The following TRIM35 variants were observed in gnomAD, a reference collection of about 807,000 sequenced individuals.
The protein encoded by TRIM35 is E3 ubiquitin-protein ligase TRIM35.
Under a neutral mutation model 49.1 loss-of-function variants are expected in TRIM35, and 37 were observed. The observed-to-expected ratio is 0.75, with a 90% CI of 0.58 to 0.99. The LOEUF (loss-of-function observed/expected upper bound fraction) is 0.99. Ranked by LOEUF, TRIM35 falls within the 50% of genes least tolerant of loss-of-function variation. The probability of loss-of-function intolerance (pLI) is 0.00; values close to 1 mark genes in which losing one functional copy is unlikely to be tolerated. For missense variants in TRIM35, 648 were observed against 702.7 expected (o/e 0.92, Z 0.88); for synonymous variants, 302 against 289.3 (o/e 1.04, Z -0.45).
At position 27,287,769 on chromosome 8, in the gene TRIM35, G is replaced by C; in HGVS notation, c.1263C>G (p.Val421=). ...CACGCAGGCGGCGTGGGATGGCCAG[G>C]ACCAGGGGCGACGTGGCTGGGTCCG... ...VTSDPATSPL[V]LAIPRRLRVE... is the part of the protein sequence containing the mutation. Residue 421 remains valine, a synonymous_variant, in exon 6 of 6, where the codon GTC becomes GTG. Coordinates refer to ENST00000305364, the MANE Select transcript of TRIM35 (RefSeq NM_171982.5). This position sits in a 1 kb window ranked among gnomAD's most constrained non-coding sequence, Gnocchi z 6.0. The C allele has an allele frequency of 1.2e-6, 2 of 1,610,030 alleles. No homozygotes were observed. Among genetic ancestry groups the C allele is most frequent in the Non-Finnish European group, 1.7e-6 (2 of 1,178,594 alleles).
chr8:27,289,880 C>T (rs1222605231), intron 4 of TRIM35, among the ~76,000 whole-genome samples: 1 of 152,230 alleles, frequency 6.6e-6, no homozygotes, highest in Non-Finnish European at 1.5e-5. Context: ...ATGCAAGCCA[C>T]ATGCAGGATA....
chr8:27,307,399 C>A (rs1215321659), intron 1 of TRIM35, among the ~76,000 whole-genome samples: 1 of 152,086 alleles, frequency 6.6e-6, no homozygotes, highest in Non-Finnish European at 1.5e-5. Context: ...AGCGAAATCA[C>A]TTCCTTGGAG....
In TRIM35 at chr8:27,299,701, G is replaced by A. The variant is rs567207103; in HGVS notation, c.436-1142C>T. ...CAGCAATAAATTATACAGATGTGTCGCCCAAAGCCTCATTCCCATCTGGAC... is the reference window on the plus strand; with the variant it reads ...CAGCAATAAATTATACAGATGTGTCACCCAAAGCCTCATTCCCATCTGGAC... On this transcript the variant is annotated intron_variant, in intron 1 of 5. Coordinates refer to ENST00000305364, the MANE Select transcript of TRIM35 (RefSeq NM_171982.5). Among the ~76,000 whole-genome samples, 439 of 152,262 alleles carry A rather than the reference G, an allele frequency of 2.9e-3. 3 individuals are homozygous for A. Among genetic ancestry groups the A allele is most frequent in the South Asian group, 0.028 (137 of 4,818 alleles).
At chr8:27,291,664 GTTCA>G (rs1256993161) in intron 3 of TRIM35, among the ~76,000 whole-genome samples, 1 of 152,164 alleles carries the variant, frequency 6.6e-6, no homozygotes. Context: ...CACTGTCTTA[GTTCA>G]TTTTGTGTTG....
chr8:27,310,713 G>A, intron 1 of TRIM35, 88 bp downstream of exon 1: 1 of 1,417,632 alleles, frequency 7.1e-7, no homozygotes, highest in African/African-American at 1.4e-5. Flanking sequence ...ACTGGGCTCT[G>A]GCAGGCAGGA....
chr8:27,293,319 C>T (rs1211137120), intron 3 of TRIM35, among the ~76,000 whole-genome samples: 2 of 151,392 alleles, frequency 1.3e-5, no homozygotes, highest in Non-Finnish European at 1.5e-5. Context: ...TTTGTAAGGA[C>T]CACTGGCTCA....
chr8:27,305,397 G>T (rs1802762989), intron 1 of TRIM35, among the ~76,000 whole-genome samples: 1 of 152,210 alleles, frequency 6.6e-6, no homozygotes, highest in Admixed American at 6.5e-5. Context: ...AGTGTGCAGG[G>T]TCTAGTGAGA....
At chr8:27,300,791 T>G (rs1315968628) in intron 1 of TRIM35, among the ~76,000 whole-genome samples, 1 of 152,270 alleles carries the variant, frequency 6.6e-6, no homozygotes, top group Non-Finnish European at 1.5e-5. Flanking sequence ...CACTGAAATG[T>G]CATTCCAATG....
At chr8:27,294,709 G>A (rs775762031) in intron 2 of TRIM35, among the ~76,000 whole-genome samples, 4 of 152,054 alleles carry the variant, frequency 2.6e-5, no homozygotes, top group Non-Finnish European at 5.9e-5. Context: ...CCAATCTTAG[G>A]ACTTAAAATT....
intron 1 of TRIM35, among the ~76,000 whole-genome samples, chr8:27,307,321 G>A (rs371129039): frequency 4.6e-5 from 7 of 151,512 alleles, no homozygotes; most frequent in South Asian, 2.1e-4. Flanking sequence ...ACACCCCCAC[G>A]CTGTGCCCCG....
rs1288225895 is a variant in TRIM35, at chr8:27,287,861, C to T, written c.1171G>A (p.Asp391Asn). ...ACATACCAGAAGCCCGAGCGTGTGT[C>T]GTGGTAGCAGCTGTGTGAGTGGCCC... Reference protein sequence around the residue: ...AEGHSHSCYHDTRSGFWYVCR... With the variant: ...AEGHSHSCYHNTRSGFWYVCR... Residue 391 changes from aspartate to asparagine, a missense_variant, in exon 6 of 6, where the codon GAC (aspartate) becomes AAC (asparagine). Physicochemically the swap from Asp to Asn is conservative, Grantham distance 23. Transcript: ENST00000305364. The surrounding 1 kb of genome is among the most constrained non-coding windows in gnomAD (Gnocchi z 6.0). 5.0e-6 allele frequency: 8 copies of T among 1,613,044 alleles called. No homozygotes were observed. The highest frequency in any genetic ancestry group is 2.7e-5 in the African/African-American group (2 of 75,030).
Position 27,286,429 on chromosome 8 carries a change from C to A in TRIM35, c.*1121G>T. On this transcript the variant is annotated 3_prime_UTR_variant, in exon 6 of 6. Coordinates refer to ENST00000305364, the MANE Select transcript of TRIM35 (RefSeq NM_171982.5). The stretch of plus-strand genomic sequence containing the variant: ...CCTTTCTTCCCAACTGAAAAGGGTG[C>A]CCTCTTTCCTTCTTTTCTGCAGACG... 7.1e-6 allele frequency: 2 copies of A among 282,480 alleles called. No homozygotes were observed. Among genetic ancestry groups the A allele is most frequent in the Non-Finnish European group, 1.4e-5 (2 of 141,698 alleles). 17.5% of individuals were successfully genotyped at this position (282,480 alleles called of 1,614,324 possible). A position where few individuals can be genotyped will look rare whatever the true frequency, so the allele number is the denominator to read the frequency against.
intron 1 of TRIM35, among the ~76,000 whole-genome samples, chr8:27,304,334 G>C (rs1033201242): frequency 6.6e-6 from 1 of 152,230 alleles, no homozygotes; most frequent in African/African-American, 2.4e-5. Flanking sequence ...GCCTGAGCCA[G>C]GTTTTCTGTC....
At chr8:27,289,477 G>T (rs573788489) in intron 4 of TRIM35, among the ~76,000 whole-genome samples, 197 bp from the exon 5 acceptor site, 13 of 152,226 alleles carry the variant, frequency 8.5e-5, no homozygotes, top group Non-Finnish European at 1.8e-4. Context: ...TCTCCCTTCA[G>T]CATTCAATCC....
intron 1 of TRIM35, among the ~76,000 whole-genome samples, chr8:27,302,348 CG>C (rs760189407): frequency 6.6e-6 from 1 of 152,042 alleles, no homozygotes; most frequent in Non-Finnish European, 1.5e-5. Flanking sequence ...CAGAGTTTTG[CG>C]TATCTTTTAT....
chr8:27,287,347 G>C lies in TRIM35; in HGVS notation c.*203C>G, dbSNP rs936915887. The C allele has an allele frequency of 3.5e-6, 2 of 575,480 alleles. No individual in the cohort carries two copies. The highest frequency in any genetic ancestry group is 5.9e-6 in the Non-Finnish European group (2 of 338,564). 35.6% of individuals were successfully genotyped at this position (575,480 alleles called of 1,614,324 possible). On this transcript the variant is annotated 3_prime_UTR_variant, in exon 6 of 6. Transcript: ENST00000305364. The surrounding 1 kb of genome is among the most constrained non-coding windows in gnomAD (Gnocchi z 6.0). ...GAGCCTGGCCAGCGAGGTGCCACCC[G>C]AATAGCTCCTGACCATGGGCACAGA...
At chr8:27,293,382 T>C (rs1802494791) in intron 3 of TRIM35, among the ~76,000 whole-genome samples, 1 of 152,096 alleles carries the variant, frequency 6.6e-6, no homozygotes, top group Admixed American at 6.5e-5. Context: ...TACTGTTTTT[T>C]TAAAGAGAGA....
intron 1 of TRIM35, among the ~76,000 whole-genome samples, chr8:27,301,738 T>C (rs1458579015): frequency 1.3e-5 from 2 of 152,244 alleles, no homozygotes; most frequent in Admixed American, 6.5e-5. Context: ...CTCCCTACAC[T>C]GAGATCACAA....
chr8:27,296,458 C>T (rs1802569328), intron 2 of TRIM35, among the ~76,000 whole-genome samples: 1 of 152,214 alleles, frequency 6.6e-6, no homozygotes, highest in South Asian at 2.1e-4. Context: ...AGAACTTTCA[C>T]TTTCCTCATC....
Sources: gnomAD v4.1 joint callset for allele counts (sites outside exome capture counted in the v4.1 genomes callset) on GRCh38, gnomAD v4.1.1 for gene constraint, Gnocchi (gnomAD v3.1) non-coding constraint, MANE v1.5 for transcripts, NCBI Gene and HGNC (gene_info 2026-07-23, HGNC 2026-07-21) for gene names.